KCNIP4: variants seen among roughly 807,000 people sequenced by gnomAD.
The protein encoded by KCNIP4 is potassium voltage-gated channel interacting protein 4.
KCNIP4 carries 12 observed loss-of-function variants against 34.0 expected under a neutral mutation model. The ratio of observed to expected loss-of-function variants is 0.35; its 90% CI spans 0.23 to 0.57. The LOEUF (loss-of-function observed/expected upper bound fraction) is 0.57, where lower values mean the gene tolerates loss of function less well. Among genes scored for constraint, KCNIP4 ranks in the 20% least tolerant of loss-of-function variants. The probability of loss-of-function intolerance (pLI) is 0.83; values close to 1 mark genes in which losing one functional copy is unlikely to be tolerated. For synonymous variants in KCNIP4, 124 were observed against 102.2 expected, an observed-to-expected ratio of 1.21 and a Z score of -1.29; for missense variants, 238 against 311.7, an observed-to-expected ratio of 0.76 and a Z score of 1.78.
chr4:21,068,971 T>C (rs1035433976), intron 1 of KCNIP4, among the ~76,000 whole-genome samples: 1 of 152,174 alleles, frequency 6.6e-6, no homozygotes. Context: ...CTGATCTACA[T>C]TTACTATGGT....
intron 1 of KCNIP4, among the ~76,000 whole-genome samples, chr4:21,573,731 G>A (rs1259326305): frequency 1.3e-5 from 2 of 152,012 alleles, no homozygotes; most frequent in African/African-American, 4.8e-5. Flanking sequence ...TCTTCATCTA[G>A]GGGTGAATGA....
intron 1 of KCNIP4, among the ~76,000 whole-genome samples, chr4:21,182,944 G>A (rs959150338): frequency 6.6e-6 from 1 of 152,020 alleles, no homozygotes. Flanking sequence ...GTTTGCAATA[G>A]ATCTCTAAGT....
chr4:21,182,460 C>T (rs937710521), intron 1 of KCNIP4, among the ~76,000 whole-genome samples: 4 of 147,876 alleles, frequency 2.7e-5, no homozygotes, highest in Non-Finnish European at 4.5e-5. Context: ...CTTTCTTTTC[C>T]TTTCCTTTCC....
chr4:21,338,841 T>C (rs1375385882), intron 1 of KCNIP4, among the ~76,000 whole-genome samples: 2 of 152,106 alleles, frequency 1.3e-5, no homozygotes, highest in African/African-American at 4.8e-5. Context: ...TTTTTCTTCA[T>C]CACTTAATCA....
chr4:21,630,706 T>C (rs62301359), intron 1 of KCNIP4, among the ~76,000 whole-genome samples: 45,140 of 151,942 alleles, frequency 0.3, 7,235 homozygotes, highest in East Asian at 0.63. Flanking sequence ...CTAACAGATA[T>C]GGCCATGAAA....
chr4:21,380,465 G>A (rs1430324675), intron 1 of KCNIP4, among the ~76,000 whole-genome samples: 1 of 147,928 alleles, frequency 6.8e-6, no homozygotes, highest in South Asian at 2.2e-4. Context: ...GGGGGAGAGA[G>A]AGAGAGAGAG....
chr4:21,735,228 T>C (rs886954160), intron 1 of KCNIP4, among the ~76,000 whole-genome samples: 1 of 152,106 alleles, frequency 6.6e-6, no homozygotes, highest in East Asian at 1.9e-4. Context: ...ACACTCATGG[T>C]ATGCTAGAGC....
chr4:21,892,339 T>C (rs1027077643), intron 1 of KCNIP4, among the ~76,000 whole-genome samples: 2 of 150,674 alleles, frequency 1.3e-5, no homozygotes, highest in Non-Finnish European at 3.0e-5. Flanking sequence ...AAAAGGTGAA[T>C]CTAGGCTATG....
chr4:21,560,484 C>T (rs1449759403), intron 1 of KCNIP4, among the ~76,000 whole-genome samples: 4 of 152,084 alleles, frequency 2.6e-5, no homozygotes, highest in Non-Finnish European at 4.4e-5. Flanking sequence ...TTGAAATTAT[C>T]TAAGCCAAAT....
intron 1 of KCNIP4, among the ~76,000 whole-genome samples, chr4:21,716,379 G>A (rs1246472482): frequency 6.6e-6 from 1 of 152,048 alleles, no homozygotes; most frequent in Non-Finnish European, 1.5e-5. Flanking sequence ...TGTGATTACA[G>A]GTGCATGCCA....
chr4:21,498,212 G>A (rs1335155202), intron 1 of KCNIP4, among the ~76,000 whole-genome samples: 2 of 152,104 alleles, frequency 1.3e-5, no homozygotes, highest in African/African-American at 4.8e-5. Flanking sequence ...TAATACGAAA[G>A]AATATCCTTT....
chr4:21,068,071 C>T (rs1349286074), intron 1 of KCNIP4, among the ~76,000 whole-genome samples: 1 of 151,978 alleles, frequency 6.6e-6, no homozygotes, highest in Admixed American at 6.6e-5. Context: ...CTCATCTTTC[C>T]CCTGTCCTAT....
At chr4:21,761,999 A>G (rs1332803557) in intron 1 of KCNIP4, among the ~76,000 whole-genome samples, 1 of 152,132 alleles carries the variant, frequency 6.6e-6, no homozygotes. Context: ...ATAAATCACT[A>G]TACACTATAT....
chr4:21,365,792 A>T (rs928310639), intron 1 of KCNIP4, among the ~76,000 whole-genome samples: 2 of 152,170 alleles, frequency 1.3e-5, no homozygotes, highest in African/African-American at 4.8e-5. Context: ...TCAGGATGAT[A>T]TGTTTTTGTC....
chr4:21,672,891 T>C (rs1235164327), intron 1 of KCNIP4, among the ~76,000 whole-genome samples: 4 of 152,226 alleles, frequency 2.6e-5, no homozygotes, highest in Middle Eastern at 3.2e-3. Context: ...GCTGCCATCA[T>C]GGCTCATGCA....
intron 1 of KCNIP4, among the ~76,000 whole-genome samples, chr4:21,620,202 T>C (rs1040980316): frequency 6.6e-6 from 1 of 151,984 alleles, no homozygotes; most frequent in Non-Finnish European, 1.5e-5. Context: ...GTAGAAACCA[T>C]AAGTAAAGAA....
At chr4:21,179,362 T>C (rs777588065) in intron 1 of KCNIP4, among the ~76,000 whole-genome samples, 1 of 152,202 alleles carries the variant, frequency 6.6e-6, no homozygotes, top group African/African-American at 2.4e-5. Context: ...CAAAGCATCC[T>C]TCACATAAAG....
intron 1 of KCNIP4, among the ~76,000 whole-genome samples, chr4:21,027,729 G>A (rs866007248): frequency 1.3e-5 from 2 of 152,048 alleles, no homozygotes; most frequent in East Asian, 3.9e-4. Flanking sequence ...AAGAAGTAGA[G>A]AAAACATTAA....
At position 21,247,743 on chromosome 4, in the gene KCNIP4, T is replaced by TATATATATATATATATATATAC. The variant is rs1406881983; in HGVS notation, c.62-365035_62-365034insGTATATATATATATATATATAT. The stretch of plus-strand genomic sequence containing the variant: ...AAAGCAATCCACAGGTGGATATATA[T>TATATATATATATATATATATAC]ATATATATATATATATACACCCCAC... On this transcript the variant is annotated intron_variant, in intron 1 of 8. Transcript: ENST00000382152. 8.9e-4 allele frequency among the ~76,000 whole-genome samples: 107 copies of TATATATATATATATATATATAC among 120,450 alleles called. 2 individuals are homozygous for TATATATATATATATATATATAC. Among genetic ancestry groups the TATATATATATATATATATATAC allele is most frequent in the South Asian group, 1.8e-3 (7 of 3,932 alleles). The allele number at this position is 120,450 out of a possible 152,430, so 79.0% of individuals were successfully genotyped here.
Sources: allele counts gnomAD v4.1 joint callset (sites outside exome capture counted in the v4.1 genomes callset), GRCh38; gene constraint gnomAD v4.1.1; transcripts MANE v1.5; gene names NCBI Gene and HGNC (gene_info 2026-07-23, HGNC 2026-07-21).